The following ARHGEF11 variants were observed in gnomAD, a reference collection of about 807,000 sequenced individuals.
ARHGEF11 encodes the protein Rho guanine exchange factor (GEF) 11.
In ARHGEF11, 55 loss-of-function variants were observed where a neutral mutation model predicts 193.7. The ratio of observed to expected loss-of-function variants is 0.28; its 90% confidence interval spans 0.23 to 0.36. The LOEUF (loss-of-function observed/expected upper bound fraction) is 0.36. Ranked by LOEUF, ARHGEF11 falls within the 10% of genes least tolerant of loss-of-function variation. ARHGEF11 has a pLI of 1.00. For synonymous variants in ARHGEF11, 693 were observed against 768.0 expected (o/e 0.90, Z 1.62); for missense variants, 1,723 against 2,005.6 (o/e 0.86, Z 2.69).
intron 35 of ARHGEF11, 115 bp from the exon 36 acceptor site, chr1:156,940,540 T>A: frequency 1.1e-6 from 1 of 943,504 alleles, no homozygotes; most frequent in Non-Finnish European, 1.5e-6. Flanking sequence ...TCTACAGTTG[T>A]TTACTGAGAA....
intron 9 of ARHGEF11, 116 bp downstream of exon 9, chr1:156,969,882 C>A: frequency 2.0e-6 from 2 of 1,001,540 alleles, no homozygotes; most frequent in Non-Finnish European, 3.1e-6. Context: ...TTTCATTTCT[C>A]AGAGGGCAGG....
chr1:157,026,814 T>C (rs1266543926), intron 1 of ARHGEF11, among the ~76,000 whole-genome samples: 1 of 152,224 alleles, frequency 6.6e-6, no homozygotes, highest in Non-Finnish European at 1.5e-5. Context: ...CTAACTGTTA[T>C]TATGGATCTA....
At chr1:156,947,069 A>T in intron 26 of ARHGEF11, 54 bp from the exon 27 acceptor site, 1 of 1,602,312 alleles carries the variant, frequency 6.2e-7, no homozygotes, top group Non-Finnish European at 8.6e-7. Context: ...CAACTGCCAG[A>T]ACCTTTCTGA....
chr1:157,040,458 G>C (rs1265325124), intron 1 of ARHGEF11, among the ~76,000 whole-genome samples: 1 of 152,182 alleles, frequency 6.6e-6, no homozygotes, highest in East Asian at 1.9e-4. Context: ...GGAATGGCTG[G>C]AGATCACAGA....
intron 1 of ARHGEF11, among the ~76,000 whole-genome samples, chr1:157,011,154 T>C (rs557552244): frequency 1.3e-5 from 2 of 152,272 alleles, no homozygotes; most frequent in African/African-American, 2.4e-5. Context: ...CATAGATCAA[T>C]AAAACAGAAC....
chr1:157,040,439 T>C (rs1488919737), intron 1 of ARHGEF11, among the ~76,000 whole-genome samples: 3 of 152,182 alleles, frequency 2.0e-5, no homozygotes, highest in Non-Finnish European at 4.4e-5. Flanking sequence ...TCATACGCTT[T>C]TAAGACAAGG....
chr1:156,954,224 A>G (rs1211273542), intron 21 of ARHGEF11, among the ~76,000 whole-genome samples: 1 of 151,970 alleles, frequency 6.6e-6, no homozygotes, highest in African/African-American at 2.4e-5. Context: ...TACTAAAAAT[A>G]CAAAAATTAG....
In ARHGEF11 at chr1:156,977,187, C is replaced by A. The variant is rs919033019; in HGVS notation, c.511-133G>T. The stretch of plus-strand genomic sequence containing the variant: ...GATCATAAGTATGTTTTATTCAGTA[C>A]CTTGCCGGAATGCAGTAAACACAAA... On this transcript the variant is annotated intron_variant, in intron 6 of 40. Coordinates refer to ENST00000368194, the MANE Select transcript of ARHGEF11 (RefSeq NM_198236.3). 6 of 775,830 alleles carry A rather than the reference C, an allele frequency of 7.7e-6. No individual in the cohort carries two copies. The African/African-American group carries it at 1.0e-4, about 13-fold the overall frequency. The allele number at this position is 775,830 out of a possible 1,614,324, so 48.1% of individuals were successfully genotyped here. A position where few individuals can be genotyped will look rare whatever the true frequency, so the allele number is the denominator to read the frequency against.
chr1:157,015,713 C>T (rs1241556142), intron 1 of ARHGEF11, among the ~76,000 whole-genome samples: 1 of 152,220 alleles, frequency 6.6e-6, no homozygotes, highest in African/African-American at 2.4e-5. Context: ...GCAGCACAGG[C>T]ATGTGTGGAT....
chr1:156,955,842 AC>A, intron 19 of ARHGEF11, 43 bp from the exon 20 acceptor site: 1 of 1,484,788 alleles, frequency 6.7e-7, no homozygotes, highest in Non-Finnish European at 9.4e-7. Context: ...AGGTCCTGAT[AC>A]CCAGGCGTGG....
At position 156,940,376 on chromosome 1, in the gene ARHGEF11, C is replaced by T. The variant is rs1422912645; in HGVS notation, c.3564G>A (p.Glu1188=). 6.2e-7 allele frequency: 1 copy of T among 1,613,166 alleles called. No individual in the cohort carries two copies. The highest frequency in any genetic ancestry group is 1.1e-5 in the South Asian group (1 of 90,848). ...RVQGKHQVLL[E]DPEQEGSAEE... The stretch of plus-strand genomic sequence containing the variant: ...CTGCACTGCCCTCCTGCTCAGGGTC[C>T]TCTAGCAGGACCTGGTGCTTCCCTT... The change falls in exon 36 of 41, where the codon GAG becomes GAA. Residue 1188 remains glutamate, a synonymous_variant. Transcript: ENST00000368194.
chr1:156,978,239 G>T lies in ARHGEF11; in HGVS notation c.475C>A (p.Pro159Thr). The change falls in exon 6 of 41, where the codon CCT becomes ACT. Residue 159 changes from proline to threonine, a missense_variant. Physicochemically the swap from Pro to Thr is conservative, Grantham distance 38. Coordinates refer to ENST00000368194, the MANE Select transcript of ARHGEF11 (RefSeq NM_198236.3). ...PSPPPPPPLP[P>T]PQRITGPKPL... ...TTGGGTCCTGTGATGCGTTGTGGAG[G>T]TGGTAGAGGTGGAGGAGGTGGTGGT... The T allele has an allele frequency of 6.2e-7, 1 of 1,614,206 alleles. No individual in the cohort carries two copies. The highest frequency in any genetic ancestry group is 1.7e-5 in the Admixed American group (1 of 60,026).
intron 1 of ARHGEF11, among the ~76,000 whole-genome samples, chr1:157,018,593 C>T (rs544804464): frequency 3.5e-4 from 52 of 150,278 alleles, no homozygotes; most frequent in African/African-American, 9.3e-4. Context: ...TGCAGTGAGC[C>T]GAGATCGTGC....
chr1:157,043,050 A>T (rs1188398167), intron 1 of ARHGEF11, among the ~76,000 whole-genome samples: 1 of 152,170 alleles, frequency 6.6e-6, no homozygotes, highest in Non-Finnish European at 1.5e-5. Context: ...CCATCTAGGG[A>T]CTGCTGAACT....
At chr1:156,963,125 G>T in intron 13 of ARHGEF11, 78 bp downstream of exon 13, 1 of 1,123,274 alleles carries the variant, frequency 8.9e-7, no homozygotes, top group East Asian at 2.4e-5. Context: ...TAACAGCCAG[G>T]GAGCAGAAAC....
intron 26 of ARHGEF11, 129 bp from the exon 27 acceptor site, chr1:156,947,144 G>A (rs1204878985): frequency 1.4e-6 from 2 of 1,456,674 alleles, no homozygotes; most frequent in Admixed American, 3.6e-5. Flanking sequence ...GTACTTTCGG[G>A]GTGAACTCCA....
chr1:156,986,326 T>C (rs554520299), intron 1 of ARHGEF11, among the ~76,000 whole-genome samples, 153 bp from the exon 2 acceptor site: 2 of 152,198 alleles, frequency 1.3e-5, no homozygotes, highest in South Asian at 4.2e-4. Flanking sequence ...ACATTAGCCA[T>C]GTGTACACCA....
chr1:156,960,266 T>C, intron 15 of ARHGEF11, 152 bp downstream of exon 15: 2 of 713,786 alleles, frequency 2.8e-6, no homozygotes, highest in South Asian at 1.7e-5. Flanking sequence ...CTGTGCAGTG[T>C]TCTGGAGCAA....
At chr1:156,943,592 A>G (rs997716646) in intron 32 of ARHGEF11, among the ~76,000 whole-genome samples, 1 of 152,320 alleles carries the variant, frequency 6.6e-6, no homozygotes, top group Middle Eastern at 3.4e-3. Context: ...GTCACTCTGT[A>G]GCAGAAAGGC....
Sources: allele counts gnomAD v4.1 joint callset (sites outside exome capture counted in the v4.1 genomes callset), GRCh38; gene constraint gnomAD v4.1.1; transcripts MANE v1.5; gene names NCBI Gene and HGNC (gene_info 2026-07-23, HGNC 2026-07-21).